The following SLC35F4 variants were observed in gnomAD, a reference collection of about 807,000 sequenced individuals.
The protein encoded by SLC35F4 is chromosome 14 open reading frame 36.
In SLC35F4, 24 loss-of-function variants were observed where a neutral mutation model predicts 44.2. The observed-to-expected ratio is 0.54, with a 90% confidence interval of 0.39 to 0.76. The LOEUF (loss-of-function observed/expected upper bound fraction) is 0.76. Ranked by LOEUF, SLC35F4 falls within the 30% of genes least tolerant of loss-of-function variation. SLC35F4 has a pLI of 0.00. For synonymous variants in SLC35F4, 238 were observed against 223.6 expected, an observed-to-expected ratio of 1.06 and a Z score of -0.57; for missense variants, 562 against 586.1, an observed-to-expected ratio of 0.96 and a Z score of 0.42.
At chr14:57,738,503 G>T (rs377380521) in intron 1 of SLC35F4, among the ~76,000 whole-genome samples, 55 of 151,870 alleles carry the variant, frequency 3.6e-4, no homozygotes, top group African/African-American at 1.2e-3. Flanking sequence ...CTGCCTAGCT[G>T]GTTCCTGCCA....
At chr14:57,627,937 A>G (rs2072555814) in intron 1 of SLC35F4, among the ~76,000 whole-genome samples, 1 of 152,098 alleles carries the variant, frequency 6.6e-6, no homozygotes, top group Non-Finnish European at 1.5e-5. Context: ...AATGGGCTCA[A>G]CCTCAGCTCA....
intron 1 of SLC35F4, among the ~76,000 whole-genome samples, chr14:57,716,756 G>C (rs1225797039): frequency 6.6e-6 from 1 of 152,042 alleles, no homozygotes; most frequent in East Asian, 1.9e-4. Context: ...CTCTCTTCTT[G>C]CTGAAAATAT....
At chr14:57,694,542 G>GA (rs1397512115) in intron 1 of SLC35F4, among the ~76,000 whole-genome samples, 2 of 152,060 alleles carry the variant, frequency 1.3e-5, no homozygotes, top group African/African-American at 2.4e-5. Flanking sequence ...CATGTTAATA[G>GA]AAACAGTTTT....
chr14:57,811,044 G>A (rs989993913), intron 1 of SLC35F4, among the ~76,000 whole-genome samples: 3 of 152,152 alleles, frequency 2.0e-5, no homozygotes, highest in Admixed American at 2.0e-4. Flanking sequence ...GAGGACACTG[G>A]GTAACAGAGA....
At chr14:57,638,816 T>C (rs895718453) in intron 1 of SLC35F4, among the ~76,000 whole-genome samples, 1 of 152,042 alleles carries the variant, frequency 6.6e-6, no homozygotes, top group African/African-American at 2.4e-5. Context: ...ACCACCTCTC[T>C]TCCACTCTAA....
chr14:57,612,456 C>T (rs1374376110), intron 1 of SLC35F4, among the ~76,000 whole-genome samples: 1 of 152,238 alleles, frequency 6.6e-6, no homozygotes, highest in Non-Finnish European at 1.5e-5. Flanking sequence ...GTTCAAGTGT[C>T]ACTTACCTAT....
At position 57,792,375 on chromosome 14, in the gene SLC35F4, G is replaced by A. The variant is rs779991945; in HGVS notation, c.103+73348C>T. ...AAGATTCCTGAAATAACTAAAAGTA[G>A]AACTACCATTTGATCCATCAATCCC... On this transcript the variant is annotated intron_variant, in intron 1 of 7. Coordinates refer to ENST00000556826, the MANE Select transcript of SLC35F4 (RefSeq NM_001306087.2). Among the ~76,000 whole-genome samples, 12 of 152,254 alleles carry A rather than the reference G, an allele frequency of 7.9e-5. No homozygotes were observed. The Middle Eastern group carries it at 0.014, about 173-fold the overall frequency.
intron 1 of SLC35F4, among the ~76,000 whole-genome samples, chr14:57,669,991 A>T (rs1010514656): frequency 6.6e-6 from 1 of 152,070 alleles, no homozygotes; most frequent in African/African-American, 2.4e-5. Flanking sequence ...GCTATTAATT[A>T]TTGCCTCAAT....
intron 1 of SLC35F4, among the ~76,000 whole-genome samples, chr14:57,768,586 T>C (rs1285846622): frequency 6.6e-6 from 1 of 152,234 alleles, no homozygotes; most frequent in Admixed American, 6.5e-5. Flanking sequence ...CTCGAAATAA[T>C]TCTTCCTAAA....
chr14:57,706,296 G>A (rs2075674483), intron 1 of SLC35F4, among the ~76,000 whole-genome samples: 1 of 152,212 alleles, frequency 6.6e-6, no homozygotes, highest in Admixed American at 6.5e-5. Flanking sequence ...CTTAAAGTGA[G>A]AGGGAGAAAC....
chr14:57,830,174 AG>A (rs1884212112), intron 1 of SLC35F4, among the ~76,000 whole-genome samples: 1 of 152,226 alleles, frequency 6.6e-6, no homozygotes, highest in African/African-American at 2.4e-5. Context: ...GTGTTTATGT[AG>A]CATTATTTCC....
At chr14:57,972,973 T>C (rs1881097862), downstream of SLC35F4, among the ~76,000 whole-genome samples, 1 of 152,244 alleles carries the variant, frequency 6.6e-6, no homozygotes, top group Admixed American at 6.5e-5. Context: ...ATGCTTTGCA[T>C]ATACCATGTC....
At chr14:57,747,004 G>C (rs781449140) in intron 1 of SLC35F4, among the ~76,000 whole-genome samples, 9 of 152,124 alleles carry the variant, frequency 5.9e-5, no homozygotes, top group Non-Finnish European at 1.0e-4. Flanking sequence ...AGAAGTTTTT[G>C]AGATAGTTCA....
chr14:57,598,208 C>A (rs756575112), intron 1 of SLC35F4, among the ~76,000 whole-genome samples: 1 of 152,106 alleles, frequency 6.6e-6, no homozygotes, highest in Non-Finnish European at 1.5e-5. Flanking sequence ...CCTTTCTCTG[C>A]GGAAAATTTG....
rs77510808 is a variant in SLC35F4 at position 57,700,267 on chromosome 14, C to T, written c.104-106143G>A. On this transcript the variant is annotated intron_variant, in intron 1 of 7. Coordinates refer to ENST00000556826, the MANE Select transcript of SLC35F4 (RefSeq NM_001306087.2). ...CTATTTGCAGTTGTAACACACTGTT[C>T]AGTATTTATGTATCTAAACATTAAA... Among the ~76,000 whole-genome samples the T allele has an allele frequency of 2.0e-3, 311 of 152,204 alleles. 2 individuals carry two copies. Among genetic ancestry groups the T allele is most frequent in the African/African-American group, 7.1e-3 (296 of 41,540 alleles).
At chr14:57,872,871 C>G (rs1415639861) in intron 1 of SLC35F4, among the ~76,000 whole-genome samples, 1 of 152,182 alleles carries the variant, frequency 6.6e-6, no homozygotes, top group Non-Finnish European at 1.5e-5. Flanking sequence ...CTGCCTCTGC[C>G]TCAGGCTCTC....
intron 1 of SLC35F4, among the ~76,000 whole-genome samples, chr14:57,632,189 A>G (rs549352179): frequency 6.6e-6 from 1 of 152,212 alleles, no homozygotes; most frequent in Admixed American, 6.5e-5. Flanking sequence ...AACAACAAAA[A>G]GTCTATTTAA....
At chr14:57,827,700 C>T (rs1278623550) in intron 1 of SLC35F4, among the ~76,000 whole-genome samples, 1 of 151,418 alleles carries the variant, frequency 6.6e-6, no homozygotes, top group Non-Finnish European at 1.5e-5. Context: ...ATGAAATCTC[C>T]ACAGTGAGGC....
chr14:57,918,048 C>T (rs1889364707), intron 1 of SLC35F4, among the ~76,000 whole-genome samples: 1 of 152,158 alleles, frequency 6.6e-6, no homozygotes, highest in South Asian at 2.1e-4. Context: ...TTAGGCTCAG[C>T]AGTTGAGGAT....
Sources: gnomAD v4.1 joint callset for allele counts (sites outside exome capture counted in the v4.1 genomes callset) on GRCh38, gnomAD v4.1.1 for gene constraint, MANE v1.5 for transcripts, NCBI Gene and HGNC (gene_info 2026-07-23, HGNC 2026-07-21) for gene names.